Variants in ZFHX3 observed in about 807,000 individuals in gnomAD.
The protein encoded by ZFHX3 is zinc finger homeobox protein 3.
Under a neutral mutation model 279.1 loss-of-function variants are expected in ZFHX3, and 42 were observed. The ratio of observed to expected loss-of-function variants is 0.15; its 90% confidence interval spans 0.12 to 0.19. The LOEUF (loss-of-function observed/expected upper bound fraction) is 0.19, where lower values mean the gene tolerates loss of function less well. Among genes scored for constraint, ZFHX3 ranks in the 10% least tolerant of loss-of-function variants. The probability of loss-of-function intolerance (pLI) is 1.00; values close to 1 mark genes in which losing one functional copy is unlikely to be tolerated. For synonymous variants in ZFHX3, 2,293 were observed against 1,957.8 expected, an observed-to-expected ratio of 1.17 and a Z score of -4.52; for missense variants, 4,981 against 4,754.0, an observed-to-expected ratio of 1.05 and a Z score of -1.40.
At chr16:73,192,495 C>T (rs1567414782) in intron 5 of ZFHX3, among the ~76,000 whole-genome samples, 1 of 152,166 alleles carries the variant, frequency 6.6e-6, no homozygotes, top group Non-Finnish European at 1.5e-5. Context: ...GAAAGTTACT[C>T]AGGATCCGCT....
intron 3 of ZFHX3, among the ~76,000 whole-genome samples, chr16:73,381,810 A>T (rs6564137): frequency 0.47 from 70,819 of 152,066 alleles, 16,920 homozygotes; most frequent in Non-Finnish European, 0.5. Context: ...CATAAATCTC[A>T]AAATGGTTAA....
chr16:73,522,979 G>A (rs532504368), intron 2 of ZFHX3, among the ~76,000 whole-genome samples: 47 of 152,240 alleles, frequency 3.1e-4, no homozygotes, highest in East Asian at 1.2e-3. Flanking sequence ...CAGCATGCAG[G>A]TAACTGCGCC....
intron 4 of ZFHX3, 71 bp downstream of exon 4, chr16:72,889,660 T>A (rs2038721536): frequency 6.9e-7 from 1 of 1,446,166 alleles, no homozygotes; most frequent in South Asian, 1.3e-5. Context: ...CAAACAGAAG[T>A]CCTCTGGAGG....
chr16:73,336,660 C>T (rs1292603447), intron 3 of ZFHX3, among the ~76,000 whole-genome samples: 1 of 151,984 alleles, frequency 6.6e-6, no homozygotes, highest in Non-Finnish European at 1.5e-5. Flanking sequence ...AGGTTGATTC[C>T]ATGTCTTTGC....
At chr16:73,470,158 C>A (rs1427010941) in intron 2 of ZFHX3, among the ~76,000 whole-genome samples, 1 of 152,208 alleles carries the variant, frequency 6.6e-6, no homozygotes, top group Non-Finnish European at 1.5e-5. Context: ...GACAATACCG[C>A]CCATCTTGGG....
intron 5 of ZFHX3, among the ~76,000 whole-genome samples, chr16:73,156,213 CAG>C (rs1967078884): frequency 8.6e-6 from 1 of 116,160 alleles, no homozygotes; most frequent in South Asian, 2.9e-4. Context: ...GCCTGGGCGA[CAG>C]AGTGAGACTC....
chr16:73,803,003 G>T (rs574510792), intron 1 of ZFHX3, among the ~76,000 whole-genome samples: 1 of 152,122 alleles, frequency 6.6e-6, no homozygotes, highest in African/African-American at 2.4e-5. Flanking sequence ...TTTTAGTAGA[G>T]ATGGCCAGGC....
chr16:73,099,689 C>T (rs1464498578), intron 7 of ZFHX3, among the ~76,000 whole-genome samples: 22 of 132,050 alleles, frequency 1.7e-4, no homozygotes, highest in Non-Finnish European at 2.6e-4. Context: ...CCAGCCTGGG[C>T]GACAGAGTGA....
intron 1 of ZFHX3, among the ~76,000 whole-genome samples, chr16:72,975,562 C>T (rs1369175238): frequency 1.3e-5 from 2 of 152,202 alleles, no homozygotes; most frequent in East Asian, 1.9e-4. Context: ...ATGGTAATTA[C>T]AAAGCCCATT....
At chr16:73,133,292 T>C (rs548862604) in intron 6 of ZFHX3, among the ~76,000 whole-genome samples, 59 of 152,138 alleles carry the variant, frequency 3.9e-4, no homozygotes, top group African/African-American at 1.4e-3. Context: ...GAGGCTGAGG[T>C]GGGTGGATCA....
At chr16:73,696,589 A>G (rs1430379596) in intron 1 of ZFHX3, among the ~76,000 whole-genome samples, 1 of 152,218 alleles carries the variant, frequency 6.6e-6, no homozygotes, top group Non-Finnish European at 1.5e-5. Context: ...AGATGCACCA[A>G]CAGGGCCTGA....
chr16:73,252,715 A>G (rs375479513), intron 5 of ZFHX3, among the ~76,000 whole-genome samples: 10 of 152,166 alleles, frequency 6.6e-5, no homozygotes, highest in East Asian at 5.8e-4. Context: ...TGGACTGACG[A>G]TGAAGAAAGA....
chr16:73,350,020 A>G (rs2016209210), intron 3 of ZFHX3, among the ~76,000 whole-genome samples: 1 of 151,154 alleles, frequency 6.6e-6, no homozygotes, highest in East Asian at 2.0e-4. Flanking sequence ...GGAATAAAGA[A>G]CTGGCAAGGC....
At chr16:72,960,265 G>A (rs62053193) in intron 1 of ZFHX3, 71 bp from the exon 2 acceptor site, 86,642 of 1,283,172 alleles carry the variant, frequency 0.068, 3,391 homozygotes, top group Non-Finnish European at 0.078. Flanking sequence ...AGGTTAGGAG[G>A]GCCGAGGCTG....
chr16:73,543,152 T>C (rs1193974500), intron 2 of ZFHX3, among the ~76,000 whole-genome samples: 2 of 152,188 alleles, frequency 1.3e-5, no homozygotes, highest in Non-Finnish European at 2.9e-5. Context: ...TGATTAACAT[T>C]CCTCTGCTGA....
chr16:73,336,876 T>G (rs1270426955), intron 3 of ZFHX3, among the ~76,000 whole-genome samples: 2 of 152,116 alleles, frequency 1.3e-5, no homozygotes, highest in African/African-American at 4.8e-5. Flanking sequence ...AATTTCCTTC[T>G]CATGATCCCG....
At chr16:72,954,176 C>T (rs1235698380) in intron 2 of ZFHX3, among the ~76,000 whole-genome samples, 1 of 152,168 alleles carries the variant, frequency 6.6e-6, no homozygotes. Flanking sequence ...TCAAGACCAG[C>T]CTGGCCAATG....
intron 2 of ZFHX3, among the ~76,000 whole-genome samples, chr16:73,611,513 T>G (rs1226285523): frequency 6.6e-6 from 1 of 152,180 alleles, no homozygotes; most frequent in Non-Finnish European, 1.5e-5. Flanking sequence ...ACATAAAATA[T>G]TTTTTGAAAT....
chr16:73,355,108 C>T (rs1049553185), intron 3 of ZFHX3, among the ~76,000 whole-genome samples: 4 of 152,118 alleles, frequency 2.6e-5, no homozygotes, highest in African/African-American at 7.2e-5. Flanking sequence ...TCGGGGGATA[C>T]GTGTTCCATT....
Sources: allele counts gnomAD v4.1 joint callset (sites outside exome capture counted in the v4.1 genomes callset), GRCh38; gene constraint gnomAD v4.1.1; transcripts MANE v1.5; gene names NCBI Gene and HGNC (gene_info 2026-07-23, HGNC 2026-07-21).